Variants in GRM1 observed in about 807,000 individuals in gnomAD.
The protein encoded by GRM1 is metabotropic glutamate receptor 1.
A neutral mutation model predicts 90.9 loss-of-function variants in GRM1; 33 were observed. The ratio of observed to expected loss-of-function variants is 0.36; its 90% CI spans 0.28 to 0.49. The LOEUF is 0.49. Ranked by LOEUF, GRM1 falls within the 20% of genes least tolerant of loss-of-function variation. The pLI, the probability that GRM1 is intolerant of heterozygous loss-of-function variation, is 0.99. For synonymous variants in GRM1, 700 were observed against 613.2 expected, an observed-to-expected ratio of 1.14 and a Z score of -2.09; for missense variants, 1,190 against 1,534.3, an observed-to-expected ratio of 0.78 and a Z score of 3.75.
chr6:146,385,245 G>A (rs1221776981), intron 5 of GRM1, among the ~76,000 whole-genome samples: 2 of 152,140 alleles, frequency 1.3e-5, no homozygotes, highest in African/African-American at 4.8e-5. Flanking sequence ...AGAAAGGGGT[G>A]ATACATTCAG....
At chr6:146,338,485 G>A (rs920509134) in intron 3 of GRM1, among the ~76,000 whole-genome samples, 4 of 152,202 alleles carry the variant, frequency 2.6e-5, no homozygotes, top group Non-Finnish European at 5.9e-5. Flanking sequence ...ATCCTTCTCA[G>A]GGCCTCTTGC....
chr6:146,262,207 C>T (rs758405731), intron 2 of GRM1, among the ~76,000 whole-genome samples: 1 of 151,862 alleles, frequency 6.6e-6, no homozygotes, highest in Non-Finnish European at 1.5e-5. Context: ...TTGTTATCTG[C>T]ACCCAGTCAA....
At chr6:146,163,652 A>G (rs1471222568) in intron 2 of GRM1, among the ~76,000 whole-genome samples, 1 of 152,198 alleles carries the variant, frequency 6.6e-6, no homozygotes, top group African/African-American at 2.4e-5. Flanking sequence ...TTCTAGATTT[A>G]CCATGATTGT....
At chr6:146,223,444 G>A (rs966672997) in intron 2 of GRM1, among the ~76,000 whole-genome samples, 14 of 151,902 alleles carry the variant, frequency 9.2e-5, no homozygotes, top group Admixed American at 2.6e-4. Context: ...ACCTGTGACC[G>A]ACCACAGGCA....
intron 3 of GRM1, among the ~76,000 whole-genome samples, chr6:146,319,477 T>C (rs553545335): frequency 6.6e-6 from 1 of 152,332 alleles, no homozygotes; most frequent in South Asian, 2.1e-4. Flanking sequence ...ATATGAAATT[T>C]AAAGTAGTTT....
chr6:146,124,506 A>G (rs1336567477), intron 1 of GRM1, among the ~76,000 whole-genome samples: 1 of 152,128 alleles, frequency 6.6e-6, no homozygotes, highest in East Asian at 1.9e-4. Context: ...ACATTAATAA[A>G]TGTGTATATG....
In GRM1 at chr6:146,159,314, T is replaced by C. The variant is rs770593944; in HGVS notation, c.701-34T>C. On this transcript the variant is annotated intron_variant, in intron 1 of 7. Coordinates refer to ENST00000282753, the MANE Select transcript of GRM1 (RefSeq NM_001278064.2). ...TGTGTAAGTAGTGTTATTGCCACAG[T>C]TGTCTTGAACATCTGCTGATTGTTT... The C allele has an allele frequency of 2.5e-6, 4 of 1,613,460 alleles. No homozygotes were observed. The African/African-American group carries it at 4.0e-5, about 16-fold the overall frequency.
intron 1 of GRM1, among the ~76,000 whole-genome samples, chr6:146,040,074 T>G (rs1016217916): frequency 2.0e-5 from 3 of 151,842 alleles, no homozygotes; most frequent in Non-Finnish European, 4.4e-5. Context: ...CACAAAAAGA[T>G]GGTCAAGGGC....
At chr6:146,032,316 C>A (rs1484268157) in intron 1 of GRM1, among the ~76,000 whole-genome samples, 1 of 152,124 alleles carries the variant, frequency 6.6e-6, no homozygotes, top group African/African-American at 2.4e-5. Context: ...GCAGTTACAC[C>A]ATTCACCTTG....
At chr6:146,192,000 A>G (rs1778949098) in intron 2 of GRM1, among the ~76,000 whole-genome samples, 1 of 152,200 alleles carries the variant, frequency 6.6e-6, no homozygotes, top group African/African-American at 2.4e-5. Flanking sequence ...ATCTATTGCA[A>G]TCTTTTGTTT....
chr6:146,120,741 TA>T (rs1775952648), intron 1 of GRM1, among the ~76,000 whole-genome samples: 1 of 152,226 alleles, frequency 6.6e-6, no homozygotes, highest in Non-Finnish European at 1.5e-5. Flanking sequence ...GGATTACATT[TA>T]TTGATTTGCG....
At chr6:146,100,553 C>T (rs1182179896) in intron 1 of GRM1, among the ~76,000 whole-genome samples, 2 of 152,082 alleles carry the variant, frequency 1.3e-5, no homozygotes, top group African/African-American at 4.8e-5. Context: ...ATCAAGTGTC[C>T]TTGTGTGTGT....
chr6:146,140,460 G>T (rs1776831488), intron 1 of GRM1, among the ~76,000 whole-genome samples: 1 of 151,798 alleles, frequency 6.6e-6, no homozygotes, highest in Non-Finnish European at 1.5e-5. Flanking sequence ...CTAGAGATGG[G>T]GTTTCCCCAT....
chr6:146,242,142 G>A lies in GRM1; in HGVS notation c.951-62469G>A, dbSNP rs963921518. Among the ~76,000 whole-genome samples the A allele has an allele frequency of 3.9e-5, 6 of 152,066 alleles. No individual in the cohort carries two copies. In the East Asian group the frequency reaches 9.6e-4, roughly 24 times the overall value. On this transcript the variant is annotated intron_variant, in intron 2 of 7. Coordinates refer to ENST00000282753, the MANE Select transcript of GRM1 (RefSeq NM_001278064.2). ...ACAGTGACAGTATCACCCTATATGG[G>A]GTTAAGAGCTCCAGGTGAGATGTGA... is the stretch of plus-strand genomic sequence containing the variant.
intron 2 of GRM1, among the ~76,000 whole-genome samples, chr6:146,254,812 G>T (rs1172333568): frequency 1.3e-5 from 2 of 152,092 alleles, no homozygotes; most frequent in African/African-American, 4.8e-5. Context: ...GTAAATATCA[G>T]TTCTTATATC....
intron 7 of GRM1, among the ~76,000 whole-genome samples, chr6:146,416,405 G>T (rs947592733): frequency 2.0e-5 from 3 of 150,552 alleles, no homozygotes; most frequent in Admixed American, 1.3e-4. Context: ...ATTTTTTATG[G>T]TTATCATAGA....
rs577574997 is a variant in GRM1 at position 146,338,465 on chromosome 6, C to T, written c.1187-13785C>T. Reference sequence around the variant, plus strand: ...GTTAACTTTGCTTTCTTTGCCTCCACAGTTCACACATCCTTCTCAGGGCCT... The same window carrying T: ...GTTAACTTTGCTTTCTTTGCCTCCATAGTTCACACATCCTTCTCAGGGCCT... On this transcript the variant is annotated intron_variant, in intron 3 of 7. Transcript: ENST00000282753. 5.9e-5 allele frequency among the ~76,000 whole-genome samples: 9 copies of T among 152,370 alleles called. No homozygotes were observed. In the South Asian group the frequency reaches 1.2e-3, roughly 21 times the overall value.
In GRM1 at chr6:146,288,434, G is replaced by A. The variant is rs572647862; in HGVS notation, c.951-16177G>A. ...GACTTCCAAGCAAAGTGTTCAAAAT[G>A]CAACTTAGTTTCTTTTGGTTACTTA... On this transcript the variant is annotated intron_variant, in intron 2 of 7. Coordinates refer to ENST00000282753, the MANE Select transcript of GRM1 (RefSeq NM_001278064.2). Among the ~76,000 whole-genome samples the A allele has an allele frequency of 2.4e-4, 36 of 152,240 alleles. 1 individual carries two copies. In the South Asian group the frequency reaches 6.6e-3, roughly 28 times the overall value.
At chr6:146,100,267 G>A (rs968565529) in intron 1 of GRM1, among the ~76,000 whole-genome samples, 2 of 152,074 alleles carry the variant, frequency 1.3e-5, no homozygotes, top group South Asian at 2.1e-4. Context: ...TGTGTATTGA[G>A]TATTGTTATA....
Sources: gnomAD v4.1 joint callset for allele counts (sites outside exome capture counted in the v4.1 genomes callset) on GRCh38, gnomAD v4.1.1 for gene constraint, MANE v1.5 for transcripts, NCBI Gene and HGNC (gene_info 2026-07-23, HGNC 2026-07-21) for gene names.